ARHGEF18: variants seen among roughly 807,000 people sequenced by gnomAD.
The protein encoded by ARHGEF18 is rho guanine nucleotide exchange factor 18.
ARHGEF18 carries 93 observed loss-of-function variants against 155.7 expected under a neutral mutation model. That is an observed-to-expected ratio of 0.60 (90% CI 0.50 to 0.71). ARHGEF18 has a LOEUF of 0.71. Ranked by LOEUF, ARHGEF18 falls within the 30% of genes least tolerant of loss-of-function variation. ARHGEF18 has a pLI of 0.00. For synonymous variants in ARHGEF18, 742 were observed against 753.1 expected, an observed-to-expected ratio of 0.99 and a Z score of 0.24; for missense variants, 1,593 against 1,816.1, an observed-to-expected ratio of 0.88 and a Z score of 2.23.
chr19:7,454,124 C>G (rs896127167), intron 17 of ARHGEF18, among the ~76,000 whole-genome samples: 3 of 148,576 alleles, frequency 2.0e-5, no homozygotes, highest in Admixed American at 6.7e-5. Flanking sequence ...AGTGGTGGCA[C>G]CATATTGGAT....
chr19:7,472,793 G>C (rs538558031), downstream of ARHGEF18: 1 of 345,342 alleles, frequency 2.9e-6, no homozygotes, highest in Admixed American at 3.8e-5. Context: ...TCTGCCTCCC[G>C]GGTTCAAGCA....
Position 7,372,692 on chromosome 19 carries a change from C to G in ARHGEF18, c.16-120C>G, listed in dbSNP as rs1206803917. 2.9e-6 allele frequency: 3 copies of G among 1,046,630 alleles called. No homozygotes were observed. The African/African-American group carries it at 5.0e-5, about 17-fold the overall frequency. The allele number at this position is 1,046,630 out of a possible 1,614,324, so 64.8% of individuals were successfully genotyped here. A position where few individuals can be genotyped will look rare whatever the true frequency, so the allele number is the denominator to read the frequency against. On this transcript the variant is annotated intron_variant, in intron 2 of 28. Coordinates refer to ENST00000668164, the MANE Select transcript of ARHGEF18 (RefSeq NM_001367823.1). ...AGGAGGGCGCTGAGCCCAGGAGGGA[C>G]AGGTAGGGGACAGGCAGGGTCTGGA...
chr19:7,470,962 G>A lies in ARHGEF18; in HGVS notation c.*664G>A, dbSNP rs1427415460. The A allele has an allele frequency of 2.5e-6, 1 of 400,222 alleles. No individual in the cohort carries two copies. Among genetic ancestry groups the A allele is most frequent in the East Asian group, 3.6e-5 (1 of 28,018 alleles). 24.8% of individuals were successfully genotyped at this position (400,222 alleles called of 1,614,324 possible). On this transcript the variant is annotated 3_prime_UTR_variant, in exon 29 of 29. Transcript: ENST00000668164. The surrounding 1 kb of genome is among the most constrained non-coding windows in gnomAD (Gnocchi z 5.9). ...ATCAGTGGCCCTCCAGTCAGGTTCT[G>A]TGGGTTTGGAAGCCCATCGTGAAAG...
chr19:7,474,754 A>AGAGTGTGTGTGTGTGT (rs1555733264), downstream of ARHGEF18, among the ~76,000 whole-genome samples: 2 of 141,970 alleles, frequency 1.4e-5, no homozygotes, highest in South Asian at 2.2e-4. Context: ...TGGGCATTGG[A>AGAGTGTGTGTGTGTGT]GTGTGTGTGT....
At chr19:7,397,344 C>T (rs1030170903) in intron 10 of ARHGEF18, among the ~76,000 whole-genome samples, 5 of 152,018 alleles carry the variant, frequency 3.3e-5, no homozygotes, top group African/African-American at 9.7e-5. Context: ...TAGCTCACTA[C>T]AGCCTCGAAC....
chr19:7,357,106 C>A (rs557765978), intron 1 of ARHGEF18, among the ~76,000 whole-genome samples: 1 of 152,106 alleles, frequency 6.6e-6, no homozygotes, highest in Non-Finnish European at 1.5e-5. Context: ...GCGACTTGCT[C>A]GAGGTCACAC....
At chr19:7,455,427 C>T (rs1347228940) in intron 17 of ARHGEF18, among the ~76,000 whole-genome samples, 5 of 152,176 alleles carry the variant, frequency 3.3e-5, no homozygotes, top group South Asian at 4.1e-4. Context: ...CCAAAAGTGG[C>T]GTTGCCCTTG....
chr19:7,397,765 C>T (rs138306641), intron 10 of ARHGEF18, among the ~76,000 whole-genome samples: 1,770 of 151,910 alleles, frequency 0.012, 37 homozygotes, highest in African/African-American at 0.038. Flanking sequence ...TGTGGGGTCT[C>T]GCTATGTTGC....
In ARHGEF18 at chr19:7,458,595, C is replaced by T. The variant is rs184764318; in HGVS notation, c.2265C>T (p.Ser755=). The T allele has an allele frequency of 4.5e-5, 73 of 1,614,150 alleles. No individual in the cohort carries two copies. In the East Asian group the frequency reaches 6.0e-4, roughly 13 times the overall value. ...ANEEKAMFLI[S]ASLQGPEMYE... ...AGGAGAAAGCGATGTTTCTGATCAG[C>T]GCCTCCTTGCAAGGGCCGGAGATGT... The change falls in exon 19 of 29, where the codon AGC becomes AGT. Residue 755 remains serine, a synonymous_variant. Coordinates refer to ENST00000668164, the MANE Select transcript of ARHGEF18 (RefSeq NM_001367823.1).
At chr19:7,403,888 A>G (rs964576198) in intron 10 of ARHGEF18, among the ~76,000 whole-genome samples, 42 of 152,016 alleles carry the variant, frequency 2.8e-4, no homozygotes, top group African/African-American at 9.7e-4. Flanking sequence ...AACATGGCAA[A>G]ACCTCATGTC....
intron 18 of ARHGEF18, among the ~76,000 whole-genome samples, chr19:7,457,706 T>C (rs1300365963): frequency 6.6e-6 from 1 of 152,006 alleles, no homozygotes; most frequent in Admixed American, 6.6e-5. Context: ...GACAGCCACA[T>C]TCTGAGGTGC....
rs1976930962 is a variant in ARHGEF18 at position 7,470,088 on chromosome 19, C to T, written c.3914-38C>T. The T allele has an allele frequency of 1.2e-6, 2 of 1,611,694 alleles. No homozygotes were observed. Among genetic ancestry groups the T allele is most frequent in the Non-Finnish European group, 1.7e-6 (2 of 1,179,294 alleles). On this transcript the variant is annotated intron_variant, in intron 28 of 28. Transcript: ENST00000668164. The surrounding 1 kb of genome is among the most constrained non-coding windows in gnomAD (Gnocchi z 5.9). ...CAGGGCAGCGGGGCTGCGGCACCAC[C>T]CGGCGACTGCTCAGTCTGAACCCTC... is the stretch of plus-strand genomic sequence containing the variant.
downstream of ARHGEF18, chr19:7,473,088 A>G (rs759024720): frequency 1.3e-5 from 6 of 456,124 alleles, no homozygotes; most frequent in African/African-American, 6.0e-5. Flanking sequence ...TTTAATCCAC[A>G]ATAACCGCAA....
At chr19:7,384,921 C>T (rs1260254931) in intron 10 of ARHGEF18, among the ~76,000 whole-genome samples, 7 of 152,138 alleles carry the variant, frequency 4.6e-5, no homozygotes, top group Non-Finnish European at 1.0e-4. Context: ...TTTCAAACTC[C>T]TGGACTCAAG....
chr19:7,461,671 G>A (rs574455709), intron 20 of ARHGEF18, among the ~76,000 whole-genome samples: 1 of 152,184 alleles, frequency 6.6e-6, no homozygotes, highest in African/African-American at 2.4e-5. Context: ...TACTGTGTTT[G>A]ATTTTATTTT....
chr19:7,355,759 C>T (rs956756188), intron 1 of ARHGEF18: 36 of 970,386 alleles, frequency 3.7e-5, no homozygotes, highest in Non-Finnish European at 4.3e-5. Context: ...GATCCCAGGA[C>T]AGCCTGCCCG....
chr19:7,419,326 G>A (rs1973215643), intron 10 of ARHGEF18, among the ~76,000 whole-genome samples: 1 of 126,638 alleles, frequency 7.9e-6, no homozygotes, highest in Admixed American at 7.2e-5. Flanking sequence ...CCCACACCCG[G>A]GTGTGCCCAC....
At chr19:7,420,458 G>A (rs532932012) in intron 10 of ARHGEF18, among the ~76,000 whole-genome samples, 1 of 152,256 alleles carries the variant, frequency 6.6e-6, no homozygotes, top group South Asian at 2.1e-4. Flanking sequence ...TCATCATGTT[G>A]CCCAGGCTGG....
intron 18 of ARHGEF18, among the ~76,000 whole-genome samples, chr19:7,457,694 AAGACAGCC>A: frequency 6.6e-6 from 1 of 152,004 alleles, no homozygotes; most frequent in East Asian, 1.9e-4. Flanking sequence ...CCCATCTCCA[AAGACAGCC>A]ACATTCTGAG....
Sources: gnomAD v4.1 joint callset for allele counts (sites outside exome capture counted in the v4.1 genomes callset) on GRCh38, gnomAD v4.1.1 for gene constraint, Gnocchi (gnomAD v3.1) non-coding constraint, MANE v1.5 for transcripts, NCBI Gene and HGNC (gene_info 2026-07-23, HGNC 2026-07-21) for gene names.